EXT2: variants seen among roughly 807,000 people sequenced by gnomAD.
EXT2 encodes the protein exostosin-2.
Under a neutral mutation model 81.6 loss-of-function variants are expected in EXT2, and 53 were observed. That is an observed-to-expected ratio of 0.65 (90% CI 0.52 to 0.82). The LOEUF is 0.82. Among genes scored for constraint, EXT2 ranks in the 40% least tolerant of loss-of-function variants. The probability of loss-of-function intolerance (pLI) is 0.00; values close to 1 mark genes in which losing one functional copy is unlikely to be tolerated. For synonymous variants in EXT2, 320 were observed against 340.0 expected (o/e 0.94, Z 0.65); for missense variants, 774 against 910.2 (o/e 0.85, Z 1.93).
At chr11:44,183,552 A>T (rs1955265941) in intron 8 of EXT2, among the ~76,000 whole-genome samples, 1 of 151,952 alleles carries the variant, frequency 6.6e-6, no homozygotes, top group Non-Finnish European at 1.5e-5. Context: ...CTTTCCTTCT[A>T]GAATTCTATT....
intron 10 of EXT2, among the ~76,000 whole-genome samples, chr11:44,225,099 C>A (rs753620421): frequency 6.6e-6 from 1 of 152,084 alleles, no homozygotes; most frequent in African/African-American, 2.4e-5. Context: ...TCTTAGGGAG[C>A]ACAGAATTAG....
intron 8 of EXT2, among the ~76,000 whole-genome samples, chr11:44,178,762 T>C (rs1425816036): frequency 1.3e-5 from 2 of 152,020 alleles, no homozygotes; most frequent in African/African-American, 4.8e-5. Flanking sequence ...CCTTCTTGGC[T>C]TATTCTCTCC....
At chr11:44,119,167 T>TACAC (rs1437503267) in intron 4 of EXT2, among the ~76,000 whole-genome samples, 2 of 44,096 alleles carry the variant, frequency 4.5e-5, no homozygotes, top group African/African-American at 1.3e-4. Context: ...TATATATATA[T>TACAC]ATACACATAC....
In EXT2 at chr11:44,170,810, T is replaced by TCACA. The variant is rs58131996; in HGVS notation, c.1174-757_1174-754dup. On this transcript the variant is annotated intron_variant, in intron 7 of 13. Coordinates refer to ENST00000533608, the MANE Select transcript of EXT2 (RefSeq NM_207122.2). Reference sequence around the variant, plus strand: ...CATCCATAATTTAAAACGTTCACATTCACACACACACACACACACACACAC... The same window carrying TCACA: ...CATCCATAATTTAAAACGTTCACATTCACACACACACACACACACACACACACAC... Among the ~76,000 whole-genome samples the TCACA allele has an allele frequency of 1.4e-3, 210 of 145,654 alleles. 1 individual carries two copies. Among genetic ancestry groups the TCACA allele is most frequent in the African/African-American group, 4.8e-3 (187 of 39,308 alleles).
At chr11:44,114,374 G>A (rs1954192176) in intron 4 of EXT2, 73 bp downstream of exon 4, 2 of 1,363,788 alleles carry the variant, frequency 1.5e-6, no homozygotes, top group Non-Finnish European at 2.1e-6. Flanking sequence ...TAGTGTGGTG[G>A]GCATCAAAGC....
intron 3 of EXT2, among the ~76,000 whole-genome samples, chr11:44,113,035 A>G (rs1954168004): frequency 6.6e-6 from 1 of 152,224 alleles, no homozygotes; most frequent in South Asian, 2.1e-4. Flanking sequence ...TCAGTGCTGC[A>G]TGATAATCAG....
chr11:44,126,894 G>A lies in EXT2; in HGVS notation c.1018G>A (p.Val340Ile), dbSNP rs147805922. 8 of 1,614,068 alleles carry A rather than the reference G, an allele frequency of 5.0e-6. No individual in the cohort carries two copies. The African/African-American group carries it at 1.1e-4, about 22-fold the overall frequency. Residue 340 changes from valine (V) to isoleucine (I), a missense_variant, in exon 6 of 14, where the codon GTC becomes ATC. By Grantham distance (29) the Val-to-Ile change is conservative. Transcript: ENST00000533608. Reference protein sequence around the residue: ...VLSDVLQAGCVPVVIADSYIL... With the variant: ...VLSDVLQAGCIPVVIADSYIL... Reference sequence around the variant, plus strand: ...GAGCGATGTGTTACAAGCTGGCTGTGTCCCGGTTGTCATTGCAGACTCCTA... The same window carrying A: ...GAGCGATGTGTTACAAGCTGGCTGTATCCCGGTTGTCATTGCAGACTCCTA...
intron 7 of EXT2, among the ~76,000 whole-genome samples, chr11:44,152,167 A>G (rs145649589): frequency 6.6e-6 from 1 of 152,114 alleles, no homozygotes; most frequent in East Asian, 1.9e-4. Context: ...CCTGTGGCTT[A>G]TTTTCTCATT....
At chr11:44,191,615 G>A (rs1336928756) in intron 8 of EXT2, among the ~76,000 whole-genome samples, 1 of 152,188 alleles carries the variant, frequency 6.6e-6, no homozygotes, top group Non-Finnish European at 1.5e-5. Context: ...TGCAGAAAGT[G>A]GGGTCAAGAG....
intron 7 of EXT2, 31 bp downstream of exon 7, chr11:44,130,169 GGGT>G (rs1342476551): frequency 2.6e-6 from 4 of 1,563,156 alleles, no homozygotes; most frequent in Admixed American, 1.7e-5. Context: ...GAGGTGACAT[GGGT>G]GGTACCGAAA....
intron 7 of EXT2, among the ~76,000 whole-genome samples, chr11:44,166,411 C>T (rs1468558155): frequency 6.6e-6 from 1 of 152,180 alleles, no homozygotes; most frequent in African/African-American, 2.4e-5. Flanking sequence ...GAAGCAGTAG[C>T]AGGGAGGCAG....
intron 12 of EXT2, among the ~76,000 whole-genome samples, chr11:44,235,794 G>A (rs757088849): frequency 2.0e-5 from 3 of 152,168 alleles, no homozygotes; most frequent in Admixed American, 6.5e-5. Context: ...CAGAGTATGA[G>A]GGACGATTCA....
chr11:44,122,709 C>T (rs1406890148), intron 4 of EXT2, among the ~76,000 whole-genome samples: 1 of 152,190 alleles, frequency 6.6e-6, no homozygotes, highest in Non-Finnish European at 1.5e-5. Context: ...TCTTTCTTAT[C>T]TCCACTTACC....
intron 1 of EXT2, chr11:44,103,794 G>A (rs955778576): frequency 3.2e-6 from 1 of 310,962 alleles, no homozygotes; most frequent in Non-Finnish European, 6.2e-6. Flanking sequence ...GTTTTCAAAT[G>A]TACTGGCATA....
At chr11:44,096,154 C>T (rs1590532599) in intron 1 of EXT2, 28 of 1,198,562 alleles carry the variant, frequency 2.3e-5, no homozygotes, top group Non-Finnish European at 3.2e-5. Context: ...TCCGCTCCTT[C>T]CTTTCCTCCT....
intron 8 of EXT2, among the ~76,000 whole-genome samples, chr11:44,179,458 G>A (rs948254234): frequency 2.0e-5 from 3 of 152,212 alleles, no homozygotes; most frequent in Non-Finnish European, 2.9e-5. Flanking sequence ...TGGGAGGGCA[G>A]TGAGTAGAAT....
intron 7 of EXT2, among the ~76,000 whole-genome samples, chr11:44,141,692 T>C (rs1266996089): frequency 6.6e-6 from 1 of 152,254 alleles, no homozygotes; most frequent in Non-Finnish European, 1.5e-5. Flanking sequence ...TGGGCATTTG[T>C]TGGAGAATAG....
intron 8 of EXT2, among the ~76,000 whole-genome samples, chr11:44,189,965 C>G (rs1177785725): frequency 1.3e-5 from 2 of 152,188 alleles, no homozygotes; most frequent in Non-Finnish European, 2.9e-5. Flanking sequence ...GTTAAGGCAA[C>G]ATGGACCACA....
intron 1 of EXT2, among the ~76,000 whole-genome samples, chr11:44,106,829 A>G (rs1954062469): frequency 6.6e-6 from 1 of 152,152 alleles, no homozygotes; most frequent in Non-Finnish European, 1.5e-5. Context: ...GGGTTTTGCC[A>G]TGTTGGCCAT....
Sources: allele counts gnomAD v4.1 joint callset (sites outside exome capture counted in the v4.1 genomes callset), GRCh38; gene constraint gnomAD v4.1.1; transcripts MANE v1.5; gene names NCBI Gene and HGNC (gene_info 2026-07-23, HGNC 2026-07-21).